The following COL27A1 variants were observed in gnomAD, a reference collection of about 807,000 sequenced individuals.
COL27A1 encodes collagen alpha-1(XXVII) chain.
Under a neutral mutation model 251.3 loss-of-function variants are expected in COL27A1, and 106 were observed. The observed-to-expected ratio is 0.42, with a 90% CI of 0.36 to 0.50. The LOEUF (loss-of-function observed/expected upper bound fraction) is 0.50. COL27A1 is among the 20% of genes least tolerant of loss of function. COL27A1 has a pLI of 0.00. For synonymous variants in COL27A1, 1,000 were observed against 986.3 expected (o/e 1.01, Z -0.26); for missense variants, 2,325 against 2,522.8 (o/e 0.92, Z 1.68).
intron 11 of COL27A1, 43 bp downstream of exon 11, chr9:114,209,771 T>C (rs1341319573): frequency 6.3e-7 from 1 of 1,590,644 alleles, no homozygotes; most frequent in East Asian, 2.2e-5. Flanking sequence ...CAGCCACCCC[T>C]GCCCAAACAG....
rs148584003 is a variant in COL27A1, at chr9:114,249,141, A to G, written c.2980-1474A>G. 2.1e-3 allele frequency among the ~76,000 whole-genome samples: 323 copies of G among 152,338 alleles called. 1 individual carries two copies. The highest frequency in any genetic ancestry group is 3.7e-3 in the Non-Finnish European group (251 of 68,032). On this transcript the variant is annotated intron_variant, in intron 24 of 60. Transcript: ENST00000356083. ...AACCCACACACCTGAAGACTGAATG[A>G]CAGTTACATAGATAAAGTGCCAGGT...
At chr9:114,201,283 C>T (rs961934684) in intron 7 of COL27A1, among the ~76,000 whole-genome samples, 5 of 152,236 alleles carry the variant, frequency 3.3e-5, no homozygotes, top group East Asian at 1.9e-4. Flanking sequence ...TCACTGCCCA[C>T]GGGCCCACTT....
intron 59 of COL27A1, among the ~76,000 whole-genome samples, chr9:114,307,988 A>G (rs567635462): frequency 6.6e-6 from 1 of 152,252 alleles, no homozygotes; most frequent in African/African-American, 2.4e-5. Flanking sequence ...CTTTCGAGTC[A>G]TATGATGCTG....
At chr9:114,199,638 C>T (rs1829433551) in intron 7 of COL27A1, among the ~76,000 whole-genome samples, 1 of 152,212 alleles carries the variant, frequency 6.6e-6, no homozygotes, top group Admixed American at 6.5e-5. Flanking sequence ...TCCCCAGCAC[C>T]TCCAGGCAGA....
intron 5 of COL27A1, among the ~76,000 whole-genome samples, 173 bp downstream of exon 5, chr9:114,183,248 C>T (rs575504885): frequency 1.3e-5 from 2 of 152,204 alleles, no homozygotes; most frequent in Non-Finnish European, 2.9e-5. Context: ...GTGCCTGGTC[C>T]GGAGACACAG....
Position 114,290,319 on chromosome 9 carries a change from A to AG in COL27A1, c.4357dup (p.Ala1453GlyfsTer42), listed in dbSNP as rs1564576546. ...ATGGGCTTCCTGGCAGGGACGGGCA[A>AG]GCAGGACAGCAGGTGAGCGGGAATT... On this transcript the variant is annotated frameshift_variant, in exon 47 of 61. Coordinates refer to ENST00000356083, the MANE Select transcript of COL27A1 (RefSeq NM_032888.4). LOFTEE classifies it high-confidence loss of function. The surrounding 1 kb of genome is among the most constrained non-coding windows in gnomAD (Gnocchi z 4.6). The AG allele has an allele frequency of 6.3e-7, 1 of 1,576,866 alleles. No homozygotes were observed. Among genetic ancestry groups the AG allele is most frequent in the Admixed American group, 1.9e-5 (1 of 53,482 alleles).
At chr9:114,309,704 A>C (rs1184973342) in intron 60 of COL27A1, among the ~76,000 whole-genome samples, 1 of 152,142 alleles carries the variant, frequency 6.6e-6, no homozygotes, top group Non-Finnish European at 1.5e-5. Context: ...GCTGGTAAAA[A>C]TTCTTTGGGC....
intron 31 of COL27A1, 33 bp downstream of exon 31, chr9:114,265,143 T>C (rs367931358): frequency 3.9e-6 from 3 of 773,010 alleles, no homozygotes; most frequent in Non-Finnish European, 6.2e-6. Context: ...ATTCTCTACA[T>C]GGGGCTTTTG....
rs778029983 is a variant in COL27A1 at position 114,231,129 on chromosome 9, G to A, written c.2517G>A (p.Met839Ile). 1.2e-6 allele frequency: 2 copies of A among 1,613,540 alleles called. No individual in the cohort carries two copies. The highest frequency in any genetic ancestry group is 1.7e-6 in the Non-Finnish European group (2 of 1,179,732). The change falls in exon 15 of 61, where the codon ATG (methionine) becomes ATA (isoleucine). Residue 839 changes from methionine to isoleucine, a missense_variant. Coordinates refer to ENST00000356083, the MANE Select transcript of COL27A1 (RefSeq NM_032888.4). ...TTGGCTACCCGGGACCCAAGGGCAT[G>A]AAGGTAAGCAAGGGATGTTCCCCCG... is the stretch of plus-strand genomic sequence containing the variant. The part of the protein sequence containing the change: ...GPIGYPGPKG[M>I]KGLMGSVGEP...
intron 5 of COL27A1, among the ~76,000 whole-genome samples, chr9:114,189,970 C>T (rs921240344): frequency 1.3e-5 from 2 of 152,102 alleles, no homozygotes; most frequent in Non-Finnish European, 2.9e-5. Context: ...TCTCATTTTC[C>T]TCAAAGGTTA....
At chr9:114,188,636 G>T (rs1416272993) in intron 5 of COL27A1, among the ~76,000 whole-genome samples, 1 of 151,974 alleles carries the variant, frequency 6.6e-6, no homozygotes, top group African/African-American at 2.4e-5. Context: ...ACATACACAG[G>T]CATACATACA....
intron 16 of COL27A1, among the ~76,000 whole-genome samples, chr9:114,235,361 T>C (rs1436076247): frequency 1.3e-5 from 2 of 152,206 alleles, no homozygotes; most frequent in African/African-American, 2.4e-5. Flanking sequence ...CTTCTGTTAG[T>C]GGCATTTTCA....
intron 49 of COL27A1, among the ~76,000 whole-genome samples, chr9:114,295,373 G>A (rs953523946): frequency 3.9e-5 from 6 of 152,200 alleles, no homozygotes; most frequent in African/African-American, 1.2e-4. Flanking sequence ...TCAAATTGGT[G>A]TATTGATTCA....
chr9:114,196,132 A>C, intron 7 of COL27A1, 120 bp downstream of exon 7: 1 of 873,050 alleles, frequency 1.1e-6, no homozygotes, highest in South Asian at 1.4e-5. Context: ...TCCCCTGGGC[A>C]CAGGGTACAT....
At position 114,283,742 on chromosome 9, in the gene COL27A1, C is replaced by G. The variant is rs1836076891; in HGVS notation, c.3913C>G (p.Pro1305Ala). 1.2e-6 allele frequency: 2 copies of G among 1,614,032 alleles called. No homozygotes were observed. Among genetic ancestry groups the G allele is most frequent in the Non-Finnish European group, 1.7e-6 (2 of 1,180,014 alleles). Residue 1305 changes from proline to alanine, a missense_variant, in exon 40 of 61, where the codon CCG becomes GCG. Coordinates refer to ENST00000356083, the MANE Select transcript of COL27A1 (RefSeq NM_032888.4). ...APGRMGAQGE[P>A]GLAGYDGHKG... is the part of the protein sequence containing the mutation. Reference sequence around the variant, plus strand: ...GGGACGCATGGGGGCCCAAGGAGAACCGGGACTGGCTGGTTATGATGTAAG... The same window carrying G: ...GGGACGCATGGGGGCCCAAGGAGAAGCGGGACTGGCTGGTTATGATGTAAG...
chr9:114,264,897 C>G (rs767569604), intron 29 of COL27A1, 27 bp from the exon 30 acceptor site: 1 of 1,605,310 alleles, frequency 6.2e-7, no homozygotes, highest in African/African-American at 1.3e-5. Flanking sequence ...CACCCTCTCC[C>G]ACCTTCACGT....
chr9:114,171,330 A>G (rs552009347), intron 3 of COL27A1, among the ~76,000 whole-genome samples: 1 of 152,240 alleles, frequency 6.6e-6, no homozygotes, highest in South Asian at 2.1e-4. Context: ...AGCCTCCAAG[A>G]CTAGCACGTT....
At position 114,250,254 on chromosome 9, in the gene COL27A1, C is replaced by T. The variant is rs184145139; in HGVS notation, c.2980-361C>T. On this transcript the variant is annotated intron_variant, in intron 24 of 60. Transcript: ENST00000356083. The stretch of plus-strand genomic sequence containing the variant: ...ACTCTTTGAAACAGCCCCAGAGCCC[C>T]GAAAGATGGGCACAGATGGCCTCTT... Among the ~76,000 whole-genome samples, 154 of 152,360 alleles carry T rather than the reference C, an allele frequency of 1.0e-3. 1 individual carries two copies. The highest frequency in any genetic ancestry group is 3.5e-3 in the African/African-American group (146 of 41,586).
At chr9:114,267,189 C>T (rs1196643569) in intron 33 of COL27A1, among the ~76,000 whole-genome samples, 3 of 152,186 alleles carry the variant, frequency 2.0e-5, no homozygotes, top group Admixed American at 6.5e-5. Context: ...CTTCCTCCCC[C>T]GTCTTTTTGT....
Sources: gnomAD v4.1 joint callset for allele counts (sites outside exome capture counted in the v4.1 genomes callset) on GRCh38, gnomAD v4.1.1 for gene constraint, Gnocchi (gnomAD v3.1) non-coding constraint, MANE v1.5 for transcripts, NCBI Gene and HGNC (gene_info 2026-07-23, HGNC 2026-07-21) for gene names.